Variants in MYO18B observed in about 807,000 individuals in gnomAD.
MYO18B encodes myosin XVIIIB.
Under a neutral mutation model 273.0 loss-of-function variants are expected in MYO18B, and 204 were observed. That is an observed-to-expected ratio of 0.75 (90% CI 0.67 to 0.84). The LOEUF is 0.84. Ranked by LOEUF, MYO18B falls within the 40% of genes least tolerant of loss-of-function variation. MYO18B has a pLI of 0.00. For synonymous variants in MYO18B, 1,330 were observed against 1,305.7 expected, an observed-to-expected ratio of 1.02 and a Z score of -0.40; for missense variants, 3,212 against 3,287.6, an observed-to-expected ratio of 0.98 and a Z score of 0.56.
intron 34 of MYO18B, among the ~76,000 whole-genome samples, chr22:25,924,322 T>G (rs557823700): frequency 2.0e-5 from 3 of 152,284 alleles, no homozygotes; most frequent in African/African-American, 7.2e-5. Flanking sequence ...GGCTGCTACT[T>G]AAGTGCTGAG....
intron 20 of MYO18B, among the ~76,000 whole-genome samples, chr22:25,850,020 T>C (rs2859410): frequency 0.83 from 125,613 of 152,132 alleles, 52,102 homozygotes; most frequent in East Asian, 1. Context: ...GGGACATGAA[T>C]GCAGATAGGT....
At position 25,810,190 on chromosome 22, in the gene MYO18B, C is replaced by T. The variant is rs149373898; in HGVS notation, c.2521+12093C>T. On this transcript the variant is annotated intron_variant, in intron 12 of 43. Coordinates refer to ENST00000335473, the MANE Select transcript of MYO18B (RefSeq NM_032608.7). ...TCGGCTCACTGCAAGCTCCGCCTCC[C>T]GGGTTCATGCCATTCTCCTGCCTCA... 9.7e-3 allele frequency among the ~76,000 whole-genome samples: 1,470 copies of T among 151,068 alleles called. 11 individuals carry two copies. Among genetic ancestry groups the T allele is most frequent in the Middle Eastern group, 0.059 (17 of 288 alleles).
intron 21 of MYO18B, among the ~76,000 whole-genome samples, chr22:25,856,732 A>G (rs2090584568): frequency 6.6e-6 from 1 of 152,212 alleles, no homozygotes; most frequent in Admixed American, 6.5e-5. Flanking sequence ...GCTGGAGCAT[A>G]AAAGATGCCA....
chr22:25,893,042 C>T (rs1051098360), intron 27 of MYO18B, among the ~76,000 whole-genome samples: 1 of 152,256 alleles, frequency 6.6e-6, no homozygotes, highest in Non-Finnish European at 1.5e-5. Context: ...ATGCTCATTC[C>T]AAGAAGCCAA....
chr22:25,936,993 A>AAC (rs748687739), intron 34 of MYO18B, among the ~76,000 whole-genome samples: 23 of 152,148 alleles, frequency 1.5e-4, no homozygotes, highest in Non-Finnish European at 3.1e-4. Flanking sequence ...CAATGTGGTA[A>AAC]ACACTTGATA....
At chr22:25,831,514 C>T (rs2145930403) in intron 15 of MYO18B, among the ~76,000 whole-genome samples, 1 of 152,286 alleles carries the variant, frequency 6.6e-6, no homozygotes, top group Middle Eastern at 3.4e-3. Context: ...TCCCAAGTAG[C>T]TGGGATTACA....
chr22:25,761,378 C>T (rs1404057117), intron 2 of MYO18B, among the ~76,000 whole-genome samples: 1 of 142,684 alleles, frequency 7.0e-6, no homozygotes, highest in Non-Finnish European at 1.5e-5. Flanking sequence ...TCCTGTTCCA[C>T]AGGTGGTGGT....
intron 39 of MYO18B, chr22:25,963,977 A>G (rs1342239958): frequency 3.3e-5 from 5 of 152,094 alleles, no homozygotes; most frequent in African/African-American, 9.7e-5. Flanking sequence ...GATGGCAGTG[A>G]TGTTAATAGG....
At chr22:25,948,797 G>T (rs1172360404) in intron 36 of MYO18B, among the ~76,000 whole-genome samples, 1 of 151,994 alleles carries the variant, frequency 6.6e-6, no homozygotes, top group Non-Finnish European at 1.5e-5. Context: ...TGAGCCAAGA[G>T]TCCAGAAAGG....
In MYO18B at chr22:25,953,734, T is replaced by C. The variant is rs184694627; in HGVS notation, c.5970+1311T>C. The C allele has an allele frequency of 1.7e-3, 252 of 152,334 alleles. 1 individual carries two copies. Among genetic ancestry groups the C allele is most frequent in the African/African-American group, 5.8e-3 (242 of 41,572 alleles). The allele number at this position is 152,334 out of a possible 1,614,324, so 9.4% of individuals were successfully genotyped here. A position where few individuals can be genotyped will look rare whatever the true frequency, so the allele number is the denominator to read the frequency against. ...ATTTTAAAACTTGTGTCTAGCGTAG[T>C]GAAATGACAGCAGAGGAGAAAAGAA... On this transcript the variant is annotated intron_variant, in intron 38 of 43. Coordinates refer to ENST00000335473, the MANE Select transcript of MYO18B (RefSeq NM_032608.7).
chr22:25,773,022 C>T (rs990408758), intron 7 of MYO18B, among the ~76,000 whole-genome samples: 2 of 152,164 alleles, frequency 1.3e-5, no homozygotes, highest in East Asian at 1.9e-4. Context: ...CCCACATCAA[C>T]GGGGAAACAG....
intron 12 of MYO18B, among the ~76,000 whole-genome samples, chr22:25,808,044 T>C (rs1054619384): frequency 6.6e-6 from 1 of 152,108 alleles, no homozygotes; most frequent in African/African-American, 2.4e-5. Context: ...CCTACTGTGG[T>C]GGGGATGGAA....
At chr22:26,024,160 T>A (rs1936063360) in intron 42 of MYO18B, among the ~76,000 whole-genome samples, 1 of 152,206 alleles carries the variant, frequency 6.6e-6, no homozygotes, top group African/African-American at 2.4e-5. Flanking sequence ...GTTCTGGAGA[T>A]TCAGAAATTA....
chr22:25,959,454 A>T (rs1399465221), intron 39 of MYO18B: 1 of 151,662 alleles, frequency 6.6e-6, no homozygotes, highest in Non-Finnish European at 1.5e-5. Flanking sequence ...TCAATTTTTT[A>T]AAATAGAAGT....
intron 39 of MYO18B, among the ~76,000 whole-genome samples, chr22:25,968,624 C>T (rs375278109): frequency 3.9e-5 from 6 of 152,056 alleles, no homozygotes; most frequent in African/African-American, 1.2e-4. Context: ...AAATGGAGGC[C>T]GGAAGTGGAC....
At chr22:25,797,837 T>C in intron 11 of MYO18B, 116 bp from the exon 12 acceptor site, 3 of 1,425,034 alleles carry the variant, frequency 2.1e-6, no homozygotes, top group African/African-American at 1.4e-5. Context: ...GGTAATTTAT[T>C]GTGGCAATAA....
At chr22:25,744,372 C>T (rs2085714052) in intron 1 of MYO18B, among the ~76,000 whole-genome samples, 2 of 152,158 alleles carry the variant, frequency 1.3e-5, no homozygotes, top group Non-Finnish European at 2.9e-5. Flanking sequence ...TAGATACAAA[C>T]AACTGTCTGA....
At chr22:25,927,621 T>TA (rs2092439873) in intron 34 of MYO18B, among the ~76,000 whole-genome samples, 2 of 152,208 alleles carry the variant, frequency 1.3e-5, no homozygotes, top group African/African-American at 4.8e-5. Flanking sequence ...TGTATTCTAT[T>TA]ACCTTGTAAA....
intron 10 of MYO18B, among the ~76,000 whole-genome samples, chr22:25,783,501 GAC>G (rs10552912): frequency 0.37 from 56,948 of 152,022 alleles, 10,783 homozygotes; most frequent in African/African-American, 0.42. Context: ...ACATCTCTCA[GAC>G]ACACACATCA....
Sources: gnomAD v4.1 joint callset for allele counts (sites outside exome capture counted in the v4.1 genomes callset) on GRCh38, gnomAD v4.1.1 for gene constraint, MANE v1.5 for transcripts, NCBI Gene and HGNC (gene_info 2026-07-23, HGNC 2026-07-21) for gene names.